Variants in UBE2U observed in about 807,000 individuals in gnomAD.
UBE2U encodes the protein ubiquitin-conjugating enzyme E2 U.
In UBE2U, 39 loss-of-function variants were observed where a neutral mutation model predicts 41.2. That is an observed-to-expected ratio of 0.95 (90% CI 0.73 to 1.24). UBE2U has a LOEUF of 1.24. UBE2U is among the 50% of genes most tolerant of loss of function. The pLI, the probability that UBE2U is intolerant of heterozygous loss-of-function variation, is 0.00. For synonymous variants in UBE2U, 107 were observed against 117.8 expected, an observed-to-expected ratio of 0.91 and a Z score of 0.60; for missense variants, 336 against 363.1, an observed-to-expected ratio of 0.93 and a Z score of 0.61.
chr1:64,207,620 T>A (rs1651385813), intron 3 of UBE2U, among the ~76,000 whole-genome samples: 1 of 152,298 alleles, frequency 6.6e-6, no homozygotes, highest in South Asian at 2.1e-4. Context: ...TAACTTTTTT[T>A]AAATAAAAGG....
At chr1:64,251,152 T>G (rs1280846479) in intron 8 of UBE2U, among the ~76,000 whole-genome samples, 1 of 150,582 alleles carries the variant, frequency 6.6e-6, no homozygotes, top group Non-Finnish European at 1.5e-5. Context: ...CAGACACAGA[T>G]GCAAAAATTT....
chr1:64,258,513 G>GCC (rs1645132336), intron 8 of UBE2U, among the ~76,000 whole-genome samples: 1 of 106,872 alleles, frequency 9.4e-6, no homozygotes, highest in Non-Finnish European at 1.8e-5. Context: ...GATGTTCCCC[G>GCC]CCCCGTGTCC....
At chr1:64,206,510 G>A (rs978004673) in intron 2 of UBE2U, among the ~76,000 whole-genome samples, 2 of 151,384 alleles carry the variant, frequency 1.3e-5, no homozygotes, top group Admixed American at 1.3e-4. Flanking sequence ...ATACAACAGA[G>A]GGGGTGGATG....
chr1:64,214,989 T>C (rs193115822), intron 5 of UBE2U, 57 bp downstream of exon 5: 1 of 1,428,182 alleles, frequency 7.0e-7, no homozygotes, highest in Non-Finnish European at 9.8e-7. Flanking sequence ...TCCCAACACT[T>C]TGGGAGGCTC....
chr1:64,246,534 T>G (rs1032717462), intron 8 of UBE2U, among the ~76,000 whole-genome samples: 3 of 152,182 alleles, frequency 2.0e-5, no homozygotes, highest in African/African-American at 7.2e-5. Flanking sequence ...ATCTTGTGGT[T>G]AACAAGTGAA....
rs570226509 is a variant in UBE2U, at chr1:64,215,086, C to G, written c.457+154C>G. Among the ~76,000 whole-genome samples the G allele has an allele frequency of 2.0e-5, 3 of 152,280 alleles. No homozygotes were observed. In the East Asian group the frequency reaches 5.8e-4, roughly 29 times the overall value. On this transcript the variant is annotated intron_variant, in intron 5 of 9. Coordinates refer to ENST00000371077, the MANE Select transcript of UBE2U (RefSeq NM_001366232.2). ...TGTCTCTACTAAAATACAGAATTAG[C>G]TGGGCGTAGTGGCACATGCCAGTAA...
intron 5 of UBE2U, among the ~76,000 whole-genome samples, chr1:64,215,196 A>C (rs1327036805): frequency 6.6e-6 from 1 of 151,876 alleles, no homozygotes; most frequent in Non-Finnish European, 1.5e-5. Context: ...ATGCCATTGC[A>C]CTCTAGCCCG....
intron 6 of UBE2U, among the ~76,000 whole-genome samples, chr1:64,221,628 A>G (rs1305514899): frequency 6.6e-6 from 1 of 152,240 alleles, no homozygotes; most frequent in Non-Finnish European, 1.5e-5. Context: ...GTATAGGCCT[A>G]GAAACACACA....
chr1:64,255,805 G>A (rs929818674), intron 8 of UBE2U, among the ~76,000 whole-genome samples: 1 of 152,102 alleles, frequency 6.6e-6, no homozygotes, highest in Non-Finnish European at 1.5e-5. Context: ...TATTCAAATA[G>A]GAAGAGAGGG....
rs750929939 is a variant in UBE2U, at chr1:64,210,834, C to A, written c.334C>A (p.Leu112Ile). The stretch of plus-strand genomic sequence containing the variant: ...TACATTGAGCAGCATCTTACTTGCC[C>A]TACAGGTAAGAATGGATTTCATATA... ...NYTLSSILLA[L>I]QVMLSNPVLE... The change falls in exon 4 of 10, where the codon CTA (leucine) becomes ATA (isoleucine). Residue 112 changes from leucine (L) to isoleucine (I), a missense_variant. By Grantham distance (5) the Leu-to-Ile change is conservative. Coordinates refer to ENST00000371077, the MANE Select transcript of UBE2U (RefSeq NM_001366232.2). 3.8e-6 allele frequency: 6 copies of A among 1,595,324 alleles called. No homozygotes were observed. The Middle Eastern group carries it at 8.5e-4, about 225-fold the overall frequency.
At chr1:64,212,090 C>G (rs1415554133) in intron 4 of UBE2U, among the ~76,000 whole-genome samples, 1 of 152,104 alleles carries the variant, frequency 6.6e-6, no homozygotes, top group Non-Finnish European at 1.5e-5. Flanking sequence ...ATGTTCAGTT[C>G]ATTCATTCAT....
intron 8 of UBE2U, 109 bp downstream of exon 8, chr1:64,241,842 C>CTT: frequency 1.4e-6 from 1 of 730,360 alleles, no homozygotes; most frequent in Non-Finnish European, 2.2e-6. Flanking sequence ...GAAATAACAA[C>CTT]TTATACCCTT....
At chr1:64,236,253 T>G (rs1644664719) in intron 7 of UBE2U, among the ~76,000 whole-genome samples, 3 of 152,192 alleles carry the variant, frequency 2.0e-5, no homozygotes, top group Admixed American at 6.5e-5. Flanking sequence ...TGTTCTCAAT[T>G]AATTCGGTAG....
chr1:64,262,652 A>C (rs1284721932), intron 9 of UBE2U, among the ~76,000 whole-genome samples: 15 of 152,148 alleles, frequency 9.9e-5, no homozygotes, highest in Non-Finnish European at 4.4e-5. Flanking sequence ...GAGTCTTTAG[A>C]GCAAGTCTGA....
intron 7 of UBE2U, 57 bp downstream of exon 7, chr1:64,232,706 T>A: frequency 2.8e-6 from 4 of 1,409,216 alleles, no homozygotes; most frequent in Non-Finnish European, 4.0e-6. Context: ...CTGTTAACAT[T>A]TATCTTGGTT....
Position 64,205,684 on chromosome 1 carries a change from G to T in UBE2U, c.112G>T (p.Val38Phe). Residue 38 changes from valine (V) to phenylalanine (F), a missense_variant, in exon 2 of 10, where the codon GTT becomes TTT. Transcript: ENST00000371077. ...AAGTGAAGATATGATGGAATGGGAA[G>T]TTGAAATTGAAGGTCTACAGAATTC... ...PVSEDMMEWE[V>F]EIEGLQNSVW... 6.2e-7 allele frequency: 1 copy of T among 1,613,304 alleles called. No individual in the cohort carries two copies. Among genetic ancestry groups the T allele is most frequent in the Non-Finnish European group, 8.5e-7 (1 of 1,179,572 alleles).
In UBE2U at chr1:64,239,174, A is replaced by AGAAGAAG. The variant is rs1553169051; in HGVS notation, c.596-2477_596-2471dup. Among the ~76,000 whole-genome samples the AGAAGAAG allele has an allele frequency of 4.4e-3, 417 of 94,464 alleles. 10 individuals carry two copies. The highest frequency in any genetic ancestry group is 0.017 in the African/African-American group (387 of 22,754). 62.0% of individuals were successfully genotyped at this position (94,464 alleles called of 152,430 possible). A position where few individuals can be genotyped will look rare whatever the true frequency, so the allele number is the denominator to read the frequency against. On this transcript the variant is annotated intron_variant, in intron 7 of 9. Transcript: ENST00000371077. ...AGAAGAAGAAAGAAGAAGAAGAAGA[A>AGAAGAAG]GAAGAAGAAGAAGAAGAAAGCCCCA...
intron 4 of UBE2U, among the ~76,000 whole-genome samples, chr1:64,211,808 A>G (rs1239028096): frequency 6.6e-6 from 1 of 152,238 alleles, no homozygotes; most frequent in Non-Finnish European, 1.5e-5. Flanking sequence ...GAATTATTTC[A>G]GTGAACTTGC....
chr1:64,212,265 C>T (rs78789638), intron 4 of UBE2U, among the ~76,000 whole-genome samples: 6,883 of 152,218 alleles, frequency 0.045, 498 homozygotes, highest in African/African-American at 0.16. Flanking sequence ...TCCACCTAAA[C>T]TAGAGTCTGC....
Sources: gnomAD v4.1 joint callset for allele counts (sites outside exome capture counted in the v4.1 genomes callset) on GRCh38, gnomAD v4.1.1 for gene constraint, MANE v1.5 for transcripts, NCBI Gene and HGNC (gene_info 2026-07-23, HGNC 2026-07-21) for gene names.